Variants in DYRK1A observed in about 807,000 individuals in gnomAD.
The protein encoded by DYRK1A is dual specificity tyrosine-phosphorylation-regulated kinase 1A.
A neutral mutation model predicts 79.7 loss-of-function variants in DYRK1A; 9 were observed. The observed-to-expected ratio is 0.11, with a 90% CI of 0.07 to 0.20. The LOEUF is 0.20. DYRK1A is among the 10% of genes least tolerant of loss of function. The probability of loss-of-function intolerance (pLI) is 1.00; values close to 1 mark genes in which losing one functional copy is unlikely to be tolerated. For missense variants in DYRK1A, 622 were observed against 956.0 expected (o/e 0.65, Z 4.61); for synonymous variants, 349 against 329.7 (o/e 1.06, Z -0.63).
chr21:37,412,391 C>T (rs1296460481), intron 1 of DYRK1A, among the ~76,000 whole-genome samples: 2 of 152,180 alleles, frequency 1.3e-5, no homozygotes, highest in Non-Finnish European at 2.9e-5. Context: ...GCTTTTTAAG[C>T]ACAGTAGTTC....
At chr21:37,479,271 T>TTA (rs2052512253) in intron 4 of DYRK1A, among the ~76,000 whole-genome samples, 1 of 152,220 alleles carries the variant, frequency 6.6e-6, no homozygotes, top group African/African-American at 2.4e-5. Flanking sequence ...TTGTACACAT[T>TTA]TATATATTAT....
At chr21:37,445,274 AAAC>A (rs2051231064) in intron 2 of DYRK1A, among the ~76,000 whole-genome samples, 1 of 152,232 alleles carries the variant, frequency 6.6e-6, no homozygotes, top group Non-Finnish European at 1.5e-5. Flanking sequence ...TAATTCAACA[AAAC>A]AGAATGCACA....
chr21:37,493,305 T>C (rs951461837), intron 8 of DYRK1A, 142 bp downstream of exon 8: 5 of 740,522 alleles, frequency 6.8e-6, no homozygotes, highest in Non-Finnish European at 1.1e-5. Flanking sequence ...ATATACCTAT[T>C]TTTCATATTT....
chr21:37,372,411 T>C (rs1403413219), intron 1 of DYRK1A, among the ~76,000 whole-genome samples: 1 of 150,296 alleles, frequency 6.7e-6, no homozygotes, highest in South Asian at 2.1e-4. Context: ...ATTGTGTCAC[T>C]GCACTCCAGC....
At chr21:37,449,760 C>T (rs1431388447) in intron 2 of DYRK1A, among the ~76,000 whole-genome samples, 2 of 152,152 alleles carry the variant, frequency 1.3e-5, no homozygotes, top group Admixed American at 6.5e-5. Context: ...CAATTACTCT[C>T]CACTTTTCCC....
At chr21:37,393,541 C>T (rs1348605381) in intron 1 of DYRK1A, among the ~76,000 whole-genome samples, 1 of 152,148 alleles carries the variant, frequency 6.6e-6, no homozygotes. Flanking sequence ...ATGTACAAGC[C>T]TCTTTTCAAA....
At chr21:37,425,360 TTTC>T (rs1338344207) in intron 2 of DYRK1A, among the ~76,000 whole-genome samples, 16 of 152,240 alleles carry the variant, frequency 1.1e-4, no homozygotes, top group African/African-American at 3.1e-4. Flanking sequence ...GTTTTAAGAG[TTTC>T]TTATTATTTT....
At chr21:37,482,608 ATTG>A (rs1941965889) in intron 5 of DYRK1A, among the ~76,000 whole-genome samples, 1 of 152,238 alleles carries the variant, frequency 6.6e-6, no homozygotes. Context: ...CACCACTGTC[ATTG>A]ATAACATCTT....
intron 2 of DYRK1A, chr21:37,430,448 C>T (rs2050745784): frequency 8.2e-6 from 8 of 977,210 alleles, no homozygotes; most frequent in Non-Finnish European, 9.7e-6. Flanking sequence ...ATGTGTTCAA[C>T]TTGCACTAGG....
At chr21:37,476,823 C>T (rs201155793) in intron 3 of DYRK1A, among the ~76,000 whole-genome samples, 2 of 99,544 alleles carry the variant, frequency 2.0e-5, no homozygotes, top group African/African-American at 5.2e-5. Flanking sequence ...AGGGTTCCCC[C>T]CCCCCCCAAC....
At chr21:37,391,182 A>T (rs1033879892) in intron 1 of DYRK1A, among the ~76,000 whole-genome samples, 4 of 152,196 alleles carry the variant, frequency 2.6e-5, no homozygotes, top group Non-Finnish European at 5.9e-5. Context: ...TCTGAATGTT[A>T]GGTGTGCTTG....
intron 2 of DYRK1A, among the ~76,000 whole-genome samples, chr21:37,465,585 C>T (rs1266953795): frequency 1.3e-5 from 2 of 152,120 alleles, no homozygotes; most frequent in African/African-American, 2.4e-5. Context: ...GCCTGTAATC[C>T]TAGCACTTTG....
chr21:37,513,743 TTA>T lies in DYRK1A; in HGVS notation c.*1214_*1215del, dbSNP rs2053826935. The T allele has an allele frequency of 6.6e-6, 1 of 152,662 alleles. No individual in the cohort carries two copies. Among genetic ancestry groups the T allele is most frequent in the Non-Finnish European group, 1.5e-5 (1 of 68,036 alleles). The allele number at this position is 152,662 out of a possible 1,614,324, so 9.5% of individuals were successfully genotyped here. A position where few individuals can be genotyped will look rare whatever the true frequency, so the allele number is the denominator to read the frequency against. On this transcript the variant is annotated 3_prime_UTR_variant, in exon 12 of 12. Transcript: ENST00000647188. ...GAACATTTTTAAAAAATGCAGAATT[TTA>T]TGTGACTGCTTTTTTGCCTCACAAT...
At chr21:37,431,015 G>T (rs2050761678) in intron 2 of DYRK1A, among the ~76,000 whole-genome samples, 1 of 151,886 alleles carries the variant, frequency 6.6e-6, no homozygotes, top group Admixed American at 6.6e-5. Context: ...TAAATTATTG[G>T]TATTATCCCA....
intron 5 of DYRK1A, 61 bp from the exon 6 acceptor site, chr21:37,486,406 A>T: frequency 4.7e-6 from 6 of 1,275,918 alleles, no homozygotes; most frequent in Middle Eastern, 5.3e-4. Flanking sequence ...AAGGTGAATT[A>T]TAAATTATTG....
At chr21:37,486,232 T>C (rs907711288) in intron 5 of DYRK1A, 4 of 288,414 alleles carry the variant, frequency 1.4e-5, no homozygotes, top group Admixed American at 5.1e-5. Flanking sequence ...TTTAGAAATA[T>C]TGTACAAATG....
At chr21:37,431,567 C>T (rs1423149822) in intron 2 of DYRK1A, among the ~76,000 whole-genome samples, 1 of 152,168 alleles carries the variant, frequency 6.6e-6, no homozygotes, top group East Asian at 1.9e-4. Context: ...CCATTACCTC[C>T]TGTGAGCAGG....
intron 1 of DYRK1A, among the ~76,000 whole-genome samples, chr21:37,403,506 G>C (rs963403828): frequency 6.6e-6 from 1 of 151,136 alleles, no homozygotes; most frequent in Non-Finnish European, 1.5e-5. Flanking sequence ...CTGGAGTGCA[G>C]TGGTGCAGTG....
intron 1 of DYRK1A, among the ~76,000 whole-genome samples, chr21:37,379,702 A>G (rs2049617419): frequency 6.6e-6 from 1 of 152,234 alleles, no homozygotes. Flanking sequence ...GGTTTGGAAA[A>G]TGGAGAGTAG....
Sources: gnomAD v4.1 joint callset for allele counts (sites outside exome capture counted in the v4.1 genomes callset) on GRCh38, gnomAD v4.1.1 for gene constraint, MANE v1.5 for transcripts, NCBI Gene and HGNC (gene_info 2026-07-23, HGNC 2026-07-21) for gene names.